ANO3: variants seen among roughly 807,000 people sequenced by gnomAD.
ANO3 encodes anoctamin-3.
In ANO3, 99 loss-of-function variants were observed where a neutral mutation model predicts 144.8. The observed-to-expected ratio is 0.68, with a 90% CI of 0.58 to 0.81. The LOEUF (loss-of-function observed/expected upper bound fraction) is 0.81. ANO3 is among the 30% of genes least tolerant of loss of function. The pLI, the probability that ANO3 is intolerant of heterozygous loss-of-function variation, is 0.00. For missense variants in ANO3, 905 were observed against 1,202.2 expected, an observed-to-expected ratio of 0.75 and a Z score of 3.66; for synonymous variants, 414 against 392.6, an observed-to-expected ratio of 1.05 and a Z score of -0.64.
intron 17 of ANO3, among the ~76,000 whole-genome samples, chr11:26,616,094 C>G (rs1852253341): frequency 6.6e-6 from 1 of 152,118 alleles, no homozygotes; most frequent in Non-Finnish European, 1.5e-5. Context: ...ATGTCTTACT[C>G]TTTTTAATGC....
At chr11:26,255,818 C>T (rs902414318) in intron 1 of ANO3, among the ~76,000 whole-genome samples, 18 of 152,146 alleles carry the variant, frequency 1.2e-4, no homozygotes, top group East Asian at 5.8e-4. Context: ...TTATCTAAGC[C>T]GTGATGACAA....
intron 1 of ANO3, among the ~76,000 whole-genome samples, chr11:26,284,690 G>A (rs913035985): frequency 3.3e-5 from 5 of 152,002 alleles, no homozygotes; most frequent in Non-Finnish European, 5.9e-5. Flanking sequence ...AAGAGGTCAG[G>A]AGATCCAGAC....
chr11:26,637,773 T>C (rs1055142468), intron 20 of ANO3, among the ~76,000 whole-genome samples: 5 of 61,968 alleles, frequency 8.1e-5, no homozygotes, highest in African/African-American at 2.0e-4. Flanking sequence ...AGCAGGCTCT[T>C]TGTGTCTTAT....
intron 4 of ANO3, among the ~76,000 whole-genome samples, chr11:26,493,189 C>G (rs1232679854): frequency 6.6e-6 from 1 of 152,130 alleles, no homozygotes; most frequent in Non-Finnish European, 1.5e-5. Context: ...CCTCTTGTCC[C>G]TTCAATGGAT....
At chr11:26,219,264 A>G (rs772141069) in intron 1 of ANO3, among the ~76,000 whole-genome samples, 3 of 152,184 alleles carry the variant, frequency 2.0e-5, no homozygotes, top group Non-Finnish European at 4.4e-5. Flanking sequence ...AGATGTTTAA[A>G]CCCATGAGAA....
At chr11:26,470,372 A>G (rs1859736128) in intron 4 of ANO3, among the ~76,000 whole-genome samples, 2 of 151,078 alleles carry the variant, frequency 1.3e-5, no homozygotes, top group Admixed American at 6.6e-5. Flanking sequence ...TGGTTATACA[A>G]CTGCATTCCA....
intron 1 of ANO3, among the ~76,000 whole-genome samples, chr11:26,288,591 T>G (rs535116793): frequency 3.3e-4 from 51 of 152,248 alleles, no homozygotes; most frequent in African/African-American, 1.2e-3. Context: ...ATACTTCCGG[T>G]GGCCTCTACA....
At chr11:26,263,623 T>G (rs1286927143) in intron 1 of ANO3, among the ~76,000 whole-genome samples, 1 of 152,252 alleles carries the variant, frequency 6.6e-6, no homozygotes, top group Non-Finnish European at 1.5e-5. Context: ...TTTTCCTGGT[T>G]GAAACCTGAC....
At chr11:26,259,668 A>G (rs1460106940) in intron 1 of ANO3, among the ~76,000 whole-genome samples, 2 of 152,190 alleles carry the variant, frequency 1.3e-5, no homozygotes, top group East Asian at 3.9e-4. Context: ...ACTCCATAAA[A>G]AAAAAAAGTT....
intron 14 of ANO3, among the ~76,000 whole-genome samples, chr11:26,597,266 T>G (rs1851661375): frequency 6.6e-6 from 1 of 152,194 alleles, no homozygotes; most frequent in South Asian, 2.1e-4. Flanking sequence ...CCTGGGGTTC[T>G]TGGCCTCACG....
rs1035818560 is a variant in ANO3, at chr11:26,498,489, T to C, written c.433-9615T>C. Among the ~76,000 whole-genome samples the C allele has an allele frequency of 5.3e-5, 8 of 150,998 alleles. No homozygotes were observed. In the East Asian group the frequency reaches 1.5e-3, roughly 29 times the overall value. ...ATTATGCTGGTCTTTTAAATTGTTA[T>C]TATGAATATAGTCATATATTTGTTA... On this transcript the variant is annotated intron_variant, in intron 4 of 26. Coordinates refer to ENST00000256737, the MANE Select transcript of ANO3 (RefSeq NM_031418.4).
At chr11:26,531,450 A>G in intron 8 of ANO3, 114 bp downstream of exon 8, 2 of 1,227,456 alleles carry the variant, frequency 1.6e-6, no homozygotes, top group Non-Finnish European at 2.2e-6. Context: ...CAGAGAACTT[A>G]TCATTGTATT....
intron 1 of ANO3, among the ~76,000 whole-genome samples, chr11:26,407,758 T>C (rs969143453): frequency 6.6e-6 from 1 of 151,840 alleles, no homozygotes; most frequent in African/African-American, 2.4e-5. Flanking sequence ...TTCCTCAATA[T>C]ACCATACCAG....
upstream of ANO3, among the ~76,000 whole-genome samples, chr11:26,307,706 C>T (rs146862224): frequency 3.4e-3 from 473 of 138,178 alleles, 2 homozygotes; most frequent in Non-Finnish European, 5.4e-3. Context: ...GCAACAAGAG[C>T]GAAACTCCGT....
chr11:26,516,394 A>G (rs1861865653), intron 5 of ANO3, among the ~76,000 whole-genome samples: 1 of 151,756 alleles, frequency 6.6e-6, no homozygotes, highest in South Asian at 2.1e-4. Context: ...AGGACCTAGT[A>G]GGTACTCAGT....
intron 4 of ANO3, among the ~76,000 whole-genome samples, chr11:26,497,830 G>T (rs1469067061): frequency 6.6e-6 from 1 of 151,904 alleles, no homozygotes; most frequent in Non-Finnish European, 1.5e-5. Flanking sequence ...AATGGTATTT[G>T]ATTTTATTTT....
In ANO3 at chr11:26,423,252, A is replaced by G. The variant is rs146012385; in HGVS notation, c.47-18666A>G. Among the ~76,000 whole-genome samples, 1,370 of 150,928 alleles carry G rather than the reference A, an allele frequency of 9.1e-3. 31 individuals are homozygous for G. The highest frequency in any genetic ancestry group is 0.033 in the African/African-American group (1,341 of 41,214). ...TTTTGAAGTCTTCACAGATACTACT[A>G]CCTGGATTAGGGGTTCCTTGTGGGT... On this transcript the variant is annotated intron_variant, in intron 1 of 26. Transcript: ENST00000256737.
At chr11:26,455,876 A>G (rs1435774156) in intron 3 of ANO3, among the ~76,000 whole-genome samples, 4 of 151,890 alleles carry the variant, frequency 2.6e-5, no homozygotes, top group African/African-American at 9.6e-5. Context: ...CAAAACAGAG[A>G]TATAGATCAA....
chr11:26,472,585 T>A (rs1859821698), intron 4 of ANO3, among the ~76,000 whole-genome samples: 1 of 151,794 alleles, frequency 6.6e-6, no homozygotes, highest in Non-Finnish European at 1.5e-5. Context: ...ATGAGACAAG[T>A]GAATTGGGTA....
Sources: allele counts gnomAD v4.1 joint callset (sites outside exome capture counted in the v4.1 genomes callset), GRCh38; gene constraint gnomAD v4.1.1; transcripts MANE v1.5; gene names NCBI Gene and HGNC (gene_info 2026-07-23, HGNC 2026-07-21).